The following GLCCI1 variants were observed in gnomAD, a reference collection of about 807,000 sequenced individuals.
The protein encoded by GLCCI1 is glucocorticoid induced 1.
In GLCCI1, 24 loss-of-function variants were observed where a neutral mutation model predicts 52.2. The ratio of observed to expected loss-of-function variants is 0.46; its 90% CI spans 0.33 to 0.65. The LOEUF (loss-of-function observed/expected upper bound fraction) is 0.65, where lower values mean the gene tolerates loss of function less well. Among genes scored for constraint, GLCCI1 ranks in the 30% least tolerant of loss-of-function variants. The probability of loss-of-function intolerance (pLI) is 0.02; values close to 1 mark genes in which losing one functional copy is unlikely to be tolerated. For synonymous variants in GLCCI1, 310 were observed against 276.5 expected, an observed-to-expected ratio of 1.12 and a Z score of -1.20; for missense variants, 704 against 701.5, an observed-to-expected ratio of 1.00 and a Z score of -0.04.
intron 6 of GLCCI1, among the ~76,000 whole-genome samples, chr7:8,080,259 TTCAG>T (rs1185367095): frequency 1.3e-5 from 2 of 151,536 alleles, no homozygotes; most frequent in Non-Finnish European, 1.5e-5. Context: ...TTAAGTACTA[TTCAG>T]TCAATCATAT....
At chr7:8,015,678 T>C (rs991306183) in intron 2 of GLCCI1, among the ~76,000 whole-genome samples, 1 of 152,216 alleles carries the variant, frequency 6.6e-6, no homozygotes, top group Non-Finnish European at 1.5e-5. Context: ...TAAAGGAATA[T>C]ACTCAGTTAT....
At chr7:8,080,919 C>T (rs1358411371) in intron 6 of GLCCI1, among the ~76,000 whole-genome samples, 10 of 151,300 alleles carry the variant, frequency 6.6e-5, no homozygotes, top group Non-Finnish European at 1.0e-4. Context: ...AGTGATCCTC[C>T]CGCCTCAGCC....
intron 1 of GLCCI1, chr7:7,981,031 G>A: frequency 2.0e-6 from 1 of 497,380 alleles, no homozygotes; most frequent in Non-Finnish European, 3.8e-6. Context: ...AGAAATAAAG[G>A]CAGAAAAAGA....
At chr7:8,070,817 G>A (rs958646487) in intron 5 of GLCCI1, 104 bp from the exon 6 acceptor site, 14 of 956,382 alleles carry the variant, frequency 1.5e-5, no homozygotes, top group Non-Finnish European at 2.2e-5. Flanking sequence ...GAATAAACTG[G>A]GTCAGTAGTG....
At position 8,055,866 on chromosome 7, in the gene GLCCI1, G is replaced by A. The variant is rs546237681; in HGVS notation, c.813+317G>A. On this transcript the variant is annotated intron_variant, in intron 4 of 7. Transcript: ENST00000223145. Reference sequence around the variant, plus strand: ...AAATTAGCCGGGCGTCGTGCCGGGCGCCTGTAGTCCCAGCTACTCGGGAGG... The same window carrying A: ...AAATTAGCCGGGCGTCGTGCCGGGCACCTGTAGTCCCAGCTACTCGGGAGG... 1.4e-4 allele frequency: 25 copies of A among 180,092 alleles called. No homozygotes were observed. The South Asian group carries it at 2.0e-3, about 14-fold the overall frequency. 11.2% of individuals were successfully genotyped at this position (180,092 alleles called of 1,614,324 possible). A position where few individuals can be genotyped will look rare whatever the true frequency, so the allele number is the denominator to read the frequency against.
At position 8,086,100 on chromosome 7, in the gene GLCCI1, T is replaced by G; in HGVS notation, c.1299-93T>G. The G allele has an allele frequency of 2.8e-6, 3 of 1,057,006 alleles. No homozygotes were observed. The highest frequency in any genetic ancestry group is 4.1e-6 in the Non-Finnish European group (3 of 723,936). 65.5% of individuals were successfully genotyped at this position (1,057,006 alleles called of 1,614,324 possible). A position where few individuals can be genotyped will look rare whatever the true frequency, so the allele number is the denominator to read the frequency against. On this transcript the variant is annotated intron_variant, in intron 7 of 7. Transcript: ENST00000223145. The surrounding 1 kb of genome is among the most constrained non-coding windows in gnomAD (Gnocchi z 4.4). ...TTAACCCATCTCCTGCCATTTACAT[T>G]TTAGCTGTTTTAGAGAACTCCAGTT... is the stretch of plus-strand genomic sequence containing the variant.
intron 1 of GLCCI1, among the ~76,000 whole-genome samples, chr7:7,983,925 A>G (rs763474375): frequency 6.6e-6 from 1 of 152,220 alleles, no homozygotes; most frequent in Non-Finnish European, 1.5e-5. Context: ...TAGGTGGGAT[A>G]AAGATGGGTG....
At chr7:8,044,637 C>T (rs1476521624) in intron 3 of GLCCI1, among the ~76,000 whole-genome samples, 1 of 152,200 alleles carries the variant, frequency 6.6e-6, no homozygotes, top group Non-Finnish European at 1.5e-5. Flanking sequence ...TCTCAAAGTG[C>T]TAAAATTACA....
chr7:8,054,371 A>G lies in GLCCI1; in HGVS notation c.697-1062A>G, dbSNP rs911604997. ...TGCAAGCACATTTTATGAGAGATCC[A>G]TAAGCTACATAGAGCTTTAAAAAAC... On this transcript the variant is annotated intron_variant, in intron 3 of 7. Transcript: ENST00000223145. Among the ~76,000 whole-genome samples, 197 of 152,178 alleles carry G rather than the reference A, an allele frequency of 1.3e-3. 4 individuals carry two copies. The highest frequency in any genetic ancestry group is 3.1e-4 in the Non-Finnish European group (21 of 68,010).
intron 5 of GLCCI1, among the ~76,000 whole-genome samples, chr7:8,065,161 C>G (rs1397622868): frequency 1.3e-5 from 2 of 152,076 alleles, no homozygotes; most frequent in Non-Finnish European, 2.9e-5. Flanking sequence ...TAGCTGTATT[C>G]CTAAGCTATT....
At chr7:8,019,062 A>G (rs896814186) in intron 2 of GLCCI1, among the ~76,000 whole-genome samples, 3 of 152,182 alleles carry the variant, frequency 2.0e-5, no homozygotes, top group Non-Finnish European at 4.4e-5. Context: ...CACTTCTGTG[A>G]CTTCTTAATC....
chr7:8,033,333 A>G (rs1405480985), intron 3 of GLCCI1, among the ~76,000 whole-genome samples: 1 of 152,146 alleles, frequency 6.6e-6, no homozygotes, highest in Non-Finnish European at 1.5e-5. Context: ...TTTTCTCCTA[A>G]GGAACAAGGC....
At chr7:8,056,985 G>A (rs553140206) in intron 4 of GLCCI1, among the ~76,000 whole-genome samples, 1 of 152,166 alleles carries the variant, frequency 6.6e-6, no homozygotes, top group South Asian at 2.1e-4. Flanking sequence ...GAAAATCAAA[G>A]TGAATTAACT....
At chr7:8,009,595 G>A (rs1781221561) in intron 2 of GLCCI1, among the ~76,000 whole-genome samples, 1 of 152,162 alleles carries the variant, frequency 6.6e-6, no homozygotes, top group Non-Finnish European at 1.5e-5. Flanking sequence ...AAGAACTGGT[G>A]CATTCTCTCT....
chr7:8,029,686 T>A (rs1781702160), intron 3 of GLCCI1, among the ~76,000 whole-genome samples: 2 of 93,460 alleles, frequency 2.1e-5, no homozygotes, highest in Admixed American at 2.0e-4. Flanking sequence ...CAAAAAGCTA[T>A]TAAAACTGAT....
intron 1 of GLCCI1, among the ~76,000 whole-genome samples, chr7:7,985,539 G>GTTAAA (rs3075787): frequency 0.57 from 86,940 of 151,246 alleles, 25,814 homozygotes; most frequent in African/African-American, 0.74. Context: ...GGAACTTTAA[G>GTTAAA]TTAAAAAAAA....
intron 5 of GLCCI1, among the ~76,000 whole-genome samples, chr7:8,061,964 G>C (rs988433414): frequency 7.9e-5 from 12 of 152,040 alleles, no homozygotes; most frequent in African/African-American, 2.9e-4. Context: ...ACTGCGCCCA[G>C]CCCATTAAAG....
chr7:8,025,312 C>G (rs1781592086), intron 3 of GLCCI1, among the ~76,000 whole-genome samples: 1 of 151,866 alleles, frequency 6.6e-6, no homozygotes, highest in Non-Finnish European at 1.5e-5. Flanking sequence ...TGCACTGCAG[C>G]CTGGGTGACA....
chr7:7,980,906 ATT>A, intron 1 of GLCCI1: 1 of 620,676 alleles, frequency 1.6e-6, no homozygotes, highest in Non-Finnish European at 3.0e-6. Context: ...GACATTCCTG[ATT>A]TATTAATCCC....
Sources: gnomAD v4.1 joint callset for allele counts (sites outside exome capture counted in the v4.1 genomes callset) on GRCh38, gnomAD v4.1.1 for gene constraint, Gnocchi (gnomAD v3.1) non-coding constraint, MANE v1.5 for transcripts, NCBI Gene and HGNC (gene_info 2026-07-23, HGNC 2026-07-21) for gene names.